Variants in HHIP observed in about 807,000 individuals in gnomAD.
HHIP encodes the protein hedgehog interacting protein.
In HHIP, 12 loss-of-function variants were observed where a neutral mutation model predicts 74.0. The observed-to-expected ratio is 0.16, with a 90% CI of 0.10 to 0.26. The LOEUF (loss-of-function observed/expected upper bound fraction) is 0.26. Ranked by LOEUF, HHIP falls within the 10% of genes least tolerant of loss-of-function variation. The pLI is 1.00. For missense variants in HHIP, 788 were observed against 845.0 expected (o/e 0.93, Z 0.84); for synonymous variants, 309 against 311.6 (o/e 0.99, Z 0.09).
chr4:144,654,771 G>T (rs1031405862), intron 2 of HHIP: 7 of 152,102 alleles, frequency 4.6e-5, no homozygotes, highest in Non-Finnish European at 8.8e-5. Flanking sequence ...CCCTTAAGTT[G>T]ATTTAATGAT....
chr4:144,722,635 T>C (rs2126675674), intron 11 of HHIP, among the ~76,000 whole-genome samples: 1 of 152,122 alleles, frequency 6.6e-6, no homozygotes, highest in South Asian at 2.1e-4. Flanking sequence ...GGAGGATCAC[T>C]TGAGGTCAGG....
chr4:144,686,045 C>A (rs571072161), intron 4 of HHIP, among the ~76,000 whole-genome samples: 1 of 152,098 alleles, frequency 6.6e-6, no homozygotes, highest in Non-Finnish European at 1.5e-5. Context: ...TTTTTGCCAA[C>A]TGAACATTAC....
chr4:144,702,320 A>G (rs951258798), intron 4 of HHIP, among the ~76,000 whole-genome samples: 1 of 152,164 alleles, frequency 6.6e-6, no homozygotes, highest in Non-Finnish European at 1.5e-5. Flanking sequence ...ACTAGGTCTG[A>G]TCTTGTATTT....
intron 1 of HHIP, among the ~76,000 whole-genome samples, chr4:144,649,387 C>G (rs1205501785): frequency 6.6e-6 from 1 of 151,988 alleles, no homozygotes; most frequent in Non-Finnish European, 1.5e-5. Flanking sequence ...AGTCCTGTTT[C>G]TAGGCTAAGA....
In HHIP at chr4:144,712,032, T is replaced by A; in HGVS notation, c.1384T>A (p.Ser462Thr). ...CSDSNGKNRS[S>T]ARILQIIKGK... ...AGACTCCAATGGAAAAAACAGATCA[T>A]CAGCCAGAATTCTACAGATAATAAA... Residue 462 changes from serine to threonine, a missense_variant, in exon 8 of 13, where the codon TCA becomes ACA. Transcript: ENST00000296575. 1 of 1,612,902 alleles carries A rather than the reference T, an allele frequency of 6.2e-7. No individual in the cohort carries two copies. Among genetic ancestry groups the A allele is most frequent in the Non-Finnish European group, 8.5e-7 (1 of 1,179,008 alleles).
intron 7 of HHIP, 103 bp from the exon 8 acceptor site, chr4:144,711,847 C>G: frequency 9.0e-7 from 1 of 1,109,228 alleles, no homozygotes; most frequent in Non-Finnish European, 1.3e-6. Flanking sequence ...GCCATAGGAT[C>G]CTTGCCAGTC....
intron 2 of HHIP, among the ~76,000 whole-genome samples, chr4:144,654,079 A>C (rs1295797387): frequency 6.6e-6 from 1 of 152,214 alleles, no homozygotes; most frequent in Non-Finnish European, 1.5e-5. Context: ...ATTGAAAGTG[A>C]TATCAACACT....
At chr4:144,686,297 G>A (rs1035987916) in intron 4 of HHIP, among the ~76,000 whole-genome samples, 1 of 151,970 alleles carries the variant, frequency 6.6e-6, no homozygotes, top group South Asian at 2.1e-4. Context: ...AAAGAAGAGG[G>A]ATTTTTTTTT....
In HHIP at chr4:144,738,719, A is replaced by T; in HGVS notation, c.*762A>T. On this transcript the variant is annotated 3_prime_UTR_variant, in exon 13 of 13. Coordinates refer to ENST00000296575, the MANE Select transcript of HHIP (RefSeq NM_022475.3). ...ATTTTATTTTATTTTTATAATATAGACATCACCTAGATGAAACACCTTTAC... is the reference window on the plus strand; with the variant it reads ...ATTTTATTTTATTTTTATAATATAGTCATCACCTAGATGAAACACCTTTAC... The T allele has an allele frequency of 1.2e-6, 1 of 820,908 alleles. No homozygotes were observed. Among genetic ancestry groups the T allele is most frequent in the Non-Finnish European group, 1.5e-6 (1 of 679,644 alleles). The allele number at this position is 820,908 out of a possible 1,614,324, so 50.9% of individuals were successfully genotyped here. A position where few individuals can be genotyped will look rare whatever the true frequency, so the allele number is the denominator to read the frequency against.
At chr4:144,725,358 T>C (rs1730766848) in intron 11 of HHIP, among the ~76,000 whole-genome samples, 1 of 152,204 alleles carries the variant, frequency 6.6e-6, no homozygotes, top group Non-Finnish European at 1.5e-5. Context: ...ACATCAAAAT[T>C]TGGAAATTCA....
chr4:144,669,161 T>C (rs1047793766), intron 4 of HHIP, among the ~76,000 whole-genome samples: 43 of 152,296 alleles, frequency 2.8e-4, no homozygotes, highest in African/African-American at 9.1e-4. Context: ...CAAATCAAAG[T>C]GCCCAGAACT....
chr4:144,695,567 G>A (rs1024862114), intron 4 of HHIP, among the ~76,000 whole-genome samples: 1 of 151,032 alleles, frequency 6.6e-6, no homozygotes, highest in African/African-American at 2.4e-5. Context: ...ATTTGCCATC[G>A]GTATTACTGA....
At chr4:144,698,045 C>G (rs544253671) in intron 4 of HHIP, among the ~76,000 whole-genome samples, 24 of 152,220 alleles carry the variant, frequency 1.6e-4, no homozygotes. Flanking sequence ...TCTGCATCTG[C>G]TACCTTCAAA....
intron 4 of HHIP, among the ~76,000 whole-genome samples, chr4:144,700,097 G>A (rs772753201): frequency 3.9e-5 from 6 of 152,104 alleles, no homozygotes; most frequent in African/African-American, 7.2e-5. Context: ...TAATTCATAC[G>A]TGAAAGTTTC....
rs185279581 is a variant in HHIP at position 144,741,173 on chromosome 4, C to G, written c.*3216C>G. ...TTTTTATTTTATCATGAAGAATACT[C>G]GGAAGGTTTCTCAGATTAATGAGTA... On this transcript the variant is annotated 3_prime_UTR_variant, in exon 13 of 13. Transcript: ENST00000296575. The G allele has an allele frequency of 2.0e-4, 31 of 151,564 alleles. No homozygotes were observed. The highest frequency in any genetic ancestry group is 5.6e-4 in the African/African-American group (23 of 41,334). 9.4% of individuals were successfully genotyped at this position (151,564 alleles called of 1,614,324 possible). A position where few individuals can be genotyped will look rare whatever the true frequency, so the allele number is the denominator to read the frequency against.
intron 4 of HHIP, among the ~76,000 whole-genome samples, chr4:144,704,660 G>C (rs945186097): frequency 2.0e-5 from 3 of 152,216 alleles, no homozygotes; most frequent in African/African-American, 4.8e-5. Flanking sequence ...AACAAAAGCT[G>C]CTTATGGTGG....
rs200163888 is a variant in HHIP at position 144,737,774 on chromosome 4, G to A, written c.1920G>A (p.Glu640=). 6.2e-7 allele frequency: 1 copy of A among 1,603,690 alleles called. No homozygotes were observed. Among genetic ancestry groups the A allele is most frequent in the Non-Finnish European group, 8.5e-7 (1 of 1,174,084 alleles). ...CTTTTTCTCTCCCAGCAAAATGTGAGCCAGCATGTCGTCATGGAGGTGTCT... is the reference window on the plus strand; with the variant it reads ...CTTTTTCTCTCCCAGCAAAATGTGAACCAGCATGTCGTCATGGAGGTGTCT... ...EGDFCRTAKC[E]PACRHGGVCV... is the part of the protein sequence containing the mutation. The change falls in exon 13 of 13, where the codon GAG becomes GAA. Residue 640 remains glutamate, a synonymous_variant. Transcript: ENST00000296575.
intron 4 of HHIP, among the ~76,000 whole-genome samples, chr4:144,673,893 C>A (rs551956625): frequency 6.6e-6 from 1 of 152,244 alleles, no homozygotes; most frequent in African/African-American, 2.4e-5. Context: ...GTTAAGCTGG[C>A]AAAGAACTGT....
chr4:144,658,956 G>C lies in HHIP; in HGVS notation c.629+10G>C. The C allele has an allele frequency of 6.3e-7, 1 of 1,589,622 alleles. No individual in the cohort carries two copies. Among genetic ancestry groups the C allele is most frequent in the Non-Finnish European group, 8.6e-7 (1 of 1,167,174 alleles). On this transcript the variant is annotated intron_variant, in intron 3 of 12. Transcript: ENST00000296575. ...TGGAAGAGATCAGCAGGTTCATAAAGATAAATGCTCTTTAATCTTTTTAAA... is the reference window on the plus strand; with the variant it reads ...TGGAAGAGATCAGCAGGTTCATAAACATAAATGCTCTTTAATCTTTTTAAA...
Sources: allele counts gnomAD v4.1 joint callset (sites outside exome capture counted in the v4.1 genomes callset), GRCh38; gene constraint gnomAD v4.1.1; transcripts MANE v1.5; gene names NCBI Gene and HGNC (gene_info 2026-07-23, HGNC 2026-07-21).